The following RARB variants were observed in gnomAD, a reference collection of about 807,000 sequenced individuals.
RARB encodes retinoic acid receptor beta, also known as HBV-activated protein.
Under a neutral mutation model 51.9 loss-of-function variants are expected in RARB, and 17 were observed. That is an observed-to-expected ratio of 0.33 (90% confidence interval 0.22 to 0.49). The LOEUF (loss-of-function observed/expected upper bound fraction) is 0.49. Ranked by LOEUF, RARB falls within the 20% of genes least tolerant of loss-of-function variation. The pLI, the probability that RARB is intolerant of heterozygous loss-of-function variation, is 0.99. For synonymous variants in RARB, 215 were observed against 195.4 expected (o/e 1.10, Z -0.84); for missense variants, 369 against 550.8 (o/e 0.67, Z 3.30).
intron 2 of RARB, among the ~76,000 whole-genome samples, chr3:24,861,464 TAATC>T (rs1702745762): frequency 6.6e-6 from 1 of 151,916 alleles, no homozygotes; most frequent in Non-Finnish European, 1.5e-5. Flanking sequence ...TAGAAAAAAA[TAATC>T]AAGGACCTCA....
intron 4 of RARB, among the ~76,000 whole-genome samples, chr3:25,141,490 G>GC (rs1317102686): frequency 3.3e-5 from 5 of 152,258 alleles, no homozygotes; most frequent in African/African-American, 1.2e-4. Flanking sequence ...CTTAGGAGAG[G>GC]CAGCATCCAT....
At chr3:25,361,267 A>G (rs7633308) in intron 5 of RARB, among the ~76,000 whole-genome samples, 20,046 of 152,158 alleles carry the variant, frequency 0.13, 1,493 homozygotes, top group South Asian at 0.22. Flanking sequence ...TGATTTATCA[A>G]TTCAGCTATT....
At chr3:25,231,712 CCTT>C (rs1270121655) in intron 5 of RARB, among the ~76,000 whole-genome samples, 1 of 152,110 alleles carries the variant, frequency 6.6e-6, no homozygotes, top group Admixed American at 6.6e-5. Context: ...TGTTTACTTG[CCTT>C]CTTTGAACAA....
At chr3:25,063,724 T>A (rs73821722) in intron 3 of RARB, among the ~76,000 whole-genome samples, 96,089 of 148,034 alleles carry the variant, frequency 0.65, 30,899 homozygotes, top group East Asian at 0.8. Flanking sequence ...TTTTTTTTTT[T>A]TAAAAAGATG....
chr3:25,061,574 C>A (rs1351396011), intron 3 of RARB, among the ~76,000 whole-genome samples: 1 of 151,672 alleles, frequency 6.6e-6, no homozygotes, highest in Non-Finnish European at 1.5e-5. Flanking sequence ...AAGATTTGAA[C>A]ACAGACAGCT....
chr3:25,253,986 AG>A (rs962031944), intron 5 of RARB, among the ~76,000 whole-genome samples: 1 of 152,202 alleles, frequency 6.6e-6, no homozygotes, highest in Non-Finnish European at 1.5e-5. Flanking sequence ...TTCATGCATA[AG>A]GGGTTCATAT....
chr3:24,970,005 A>G (rs1351920865), intron 2 of RARB, among the ~76,000 whole-genome samples: 1 of 152,086 alleles, frequency 6.6e-6, no homozygotes, highest in Non-Finnish European at 1.5e-5. Flanking sequence ...CACCTAAAAC[A>G]GGAGTCAACA....
intron 2 of RARB, among the ~76,000 whole-genome samples, chr3:24,885,112 T>C (rs542352772): frequency 1.3e-5 from 2 of 152,212 alleles, no homozygotes; most frequent in South Asian, 2.1e-4. Flanking sequence ...TAATTTATTT[T>C]CCAAGTAGAG....
Position 25,008,344 on chromosome 3 carries a change from C to T in RARB, c.-379-51781C>T, listed in dbSNP as rs1328283448. ...CCATTTCCTCTTGTATACAGATGAC[C>T]GCTCCTCTGACTTGAATCACCATAA... On this transcript the variant is annotated intron_variant, in intron 2 of 11. Transcript: ENST00000383772. 4.6e-5 allele frequency among the ~76,000 whole-genome samples: 7 copies of T among 152,100 alleles called. 1 individual carries two copies. In the South Asian group the frequency reaches 6.2e-4, roughly 13 times the overall value.
At chr3:24,894,173 A>C (rs2885802) in intron 2 of RARB, among the ~76,000 whole-genome samples, 3,555 of 152,174 alleles carry the variant, frequency 0.023, 80 homozygotes, top group Middle Eastern at 0.068. Flanking sequence ...ACCTGGGTAT[A>C]TTGCATGATG....
intron 2 of RARB, among the ~76,000 whole-genome samples, chr3:24,911,713 G>A (rs1694992606): frequency 6.6e-6 from 1 of 152,144 alleles, no homozygotes; most frequent in African/African-American, 2.4e-5. Flanking sequence ...AGCACTTTGG[G>A]AGGCCAAGAT....
intron 2 of RARB, among the ~76,000 whole-genome samples, chr3:25,028,704 A>G (rs1037520594): frequency 6.6e-6 from 1 of 152,172 alleles, no homozygotes; most frequent in African/African-American, 2.4e-5. Context: ...TGTACAGAGA[A>G]GTAAAAGGTA....
At chr3:25,119,810 G>A (rs1328220630) in intron 3 of RARB, among the ~76,000 whole-genome samples, 9 of 152,128 alleles carry the variant, frequency 5.9e-5, no homozygotes. Flanking sequence ...AAGATGCCTA[G>A]AGCTGGTGGT....
chr3:25,269,472 G>C (rs1328643850), intron 5 of RARB, among the ~76,000 whole-genome samples: 1 of 152,148 alleles, frequency 6.6e-6, no homozygotes. Flanking sequence ...CCTTGGGCAA[G>C]TTACTTTAGC....
rs893621371 is a variant in RARB at position 25,209,018 on chromosome 3, C to T, written c.178+34443C>T. Among the ~76,000 whole-genome samples, 11 of 152,158 alleles carry T rather than the reference C, an allele frequency of 7.2e-5. No homozygotes were observed. In the East Asian group the frequency reaches 1.3e-3, roughly 19 times the overall value. ...ACATGAAGCATGGCTCCCTGTGTTG[C>T]GACGACGAGGGATTTAGGTTAAAAG... On this transcript the variant is annotated intron_variant, in intron 5 of 11. Coordinates refer to the RARB transcript ENST00000383772.
chr3:25,521,770 G>C (rs1298507291), intron 3 of RARB, among the ~76,000 whole-genome samples: 2 of 152,070 alleles, frequency 1.3e-5, no homozygotes, highest in African/African-American at 2.4e-5. Context: ...GGCAATAATT[G>C]GTAAGATCCC....
rs117301868 is a variant in RARB at position 25,405,842 on chromosome 3, G to A, written c.179-55351G>A. 1.1e-4 allele frequency among the ~76,000 whole-genome samples: 17 copies of A among 152,264 alleles called. 1 individual carries two copies. The East Asian group carries it at 3.3e-3, about 29-fold the overall frequency. ...AAGCACTTCTGTTATCTTGGTCAAGGGGTTTCATGGCAGATGTGGCATAGG... is the reference window on the plus strand; with the variant it reads ...AAGCACTTCTGTTATCTTGGTCAAGAGGTTTCATGGCAGATGTGGCATAGG... On this transcript the variant is annotated intron_variant, in intron 5 of 11. Coordinates refer to the RARB transcript ENST00000383772.
intron 5 of RARB, among the ~76,000 whole-genome samples, chr3:25,231,430 C>G (rs1450508446): frequency 6.6e-6 from 1 of 152,114 alleles, no homozygotes; most frequent in East Asian, 1.9e-4. Flanking sequence ...ACCAAGAAAT[C>G]CTTATAGACC....
intron 3 of RARB, among the ~76,000 whole-genome samples, chr3:25,063,703 T>C (rs528308672): frequency 6.6e-6 from 1 of 151,468 alleles, no homozygotes; most frequent in African/African-American, 2.4e-5. Flanking sequence ...CCTTGTAGTT[T>C]GAGACTTTTT....
Sources: gnomAD v4.1 joint callset for allele counts (sites outside exome capture counted in the v4.1 genomes callset) on GRCh38, gnomAD v4.1.1 for gene constraint, MANE v1.5 for transcripts, NCBI Gene and HGNC (gene_info 2026-07-23, HGNC 2026-07-21) for gene names.